NRK: variants seen among roughly 807,000 people sequenced by gnomAD.
NRK encodes the protein Nik related kinase.
NRK carries 67 observed loss-of-function variants against 125.2 expected under a neutral mutation model. The observed-to-expected ratio is 0.54, with a 90% confidence interval of 0.44 to 0.66. The LOEUF is 0.66. Ranked by LOEUF, NRK falls within the 30% of genes least tolerant of loss-of-function variation. The pLI is 0.00. For synonymous variants in NRK, 458 were observed against 429.0 expected (o/e 1.07, Z -0.84); for missense variants, 1,224 against 1,192.9 (o/e 1.03, Z -0.38).
chrX:105,856,005 A>G (rs2039527157), intron 2 of NRK, among the ~76,000 whole-genome samples: 1 of 111,864 alleles, frequency 8.9e-6, no homozygotes, highest in African/African-American at 3.2e-5. Context: ...TATTGCTTCT[A>G]TTGATCAGTT....
chrX:105,890,173 G>A (rs1408585464), intron 5 of NRK, among the ~76,000 whole-genome samples: 3 of 111,471 alleles, frequency 2.7e-5, no homozygotes, highest in African/African-American at 6.5e-5. Context: ...GCAAAATTCC[G>A]CCAGTCTCTT....
At chrX:105,883,620 A>G (rs900582238) in intron 4 of NRK, among the ~76,000 whole-genome samples, 1 of 112,131 alleles carries the variant, frequency 8.9e-6, no homozygotes, top group Non-Finnish European at 1.9e-5. Flanking sequence ...AGCCCAGCGC[A>G]TCTCTTGTTC....
chrX:105,946,531 A>C, intron 26 of NRK, 67 bp downstream of exon 26: 1 of 805,796 alleles, frequency 1.2e-6, no homozygotes, highest in Non-Finnish European at 1.8e-6. Flanking sequence ...CCAACTGTCA[A>C]AACTCTGAAA....
intron 2 of NRK, among the ~76,000 whole-genome samples, chrX:105,837,951 C>A (rs1379542516): frequency 9.0e-6 from 1 of 111,465 alleles, no homozygotes; most frequent in African/African-American, 3.3e-5. Context: ...GAGGTGGCAA[C>A]CTGACTCTCC....
chrX:105,953,075 G>T lies in NRK; in HGVS notation c.4555G>T (p.Ala1519Ser). The T allele has an allele frequency of 8.4e-7, 1 of 1,193,460 alleles. No homozygotes were observed. The highest frequency in any genetic ancestry group is 1.1e-6 in the Non-Finnish European group (1 of 882,831). The change falls in exon 28 of 29, where the codon GCC becomes TCC. Residue 1519 changes from alanine (A) to serine (S), a missense_variant. Ala to Ser is a moderately conservative substitution (Grantham distance 99). Transcript: ENST00000243300. ...GCGAACCACAGGATGGGGCCAAAAG[G>T]CCATTGAAGTGCGCTCTTTGCAATC... is the stretch of plus-strand genomic sequence containing the variant. ...TQRTTGWGQK[A>S]IEVRSLQSRV...
At chrX:105,901,692 G>A (rs2040159381) in intron 9 of NRK, among the ~76,000 whole-genome samples, 2 of 111,373 alleles carry the variant, frequency 1.8e-5, no homozygotes, top group Admixed American at 1.9e-4. Flanking sequence ...ATTAAAGAGG[G>A]GCTGGGATAA....
chrX:105,916,101 TA>T (rs2040362186), intron 15 of NRK, among the ~76,000 whole-genome samples: 1 of 111,181 alleles, frequency 9.0e-6, no homozygotes, highest in Non-Finnish European at 1.9e-5. Flanking sequence ...TAGTCGATGA[TA>T]AAAAGACATG....
At chrX:105,871,939 C>T (rs1602627134) in intron 2 of NRK, among the ~76,000 whole-genome samples, 1 of 111,678 alleles carries the variant, frequency 9.0e-6, no homozygotes, top group African/African-American at 3.3e-5. Flanking sequence ...CCCCCATTAA[C>T]ATGCAATGTT....
chrX:105,846,153 A>T (rs750458378), intron 2 of NRK, among the ~76,000 whole-genome samples: 36 of 111,567 alleles, frequency 3.2e-4, no homozygotes, highest in African/African-American at 1.1e-3. Flanking sequence ...AATGATATTA[A>T]TTTTTTTGGT....
chrX:105,840,348 A>C (rs761060997), intron 2 of NRK, among the ~76,000 whole-genome samples: 3 of 111,848 alleles, frequency 2.7e-5, no homozygotes, highest in Non-Finnish European at 5.7e-5. Context: ...AAGTAATTCA[A>C]ATTATGTATT....
intron 2 of NRK, among the ~76,000 whole-genome samples, chrX:105,839,939 C>G (rs2039309338): frequency 9.0e-6 from 1 of 111,193 alleles, no homozygotes; most frequent in Admixed American, 9.6e-5. Context: ...ACTCCAAGAA[C>G]AAGTTTTTCC....
intron 2 of NRK, among the ~76,000 whole-genome samples, chrX:105,851,112 G>A (rs978857112): frequency 2.7e-5 from 3 of 112,156 alleles, no homozygotes; most frequent in African/African-American, 6.5e-5. Flanking sequence ...TGTGAGCAGA[G>A]GTAGCAGCAG....
chrX:105,909,540 T>G lies in NRK; in HGVS notation c.1899T>G (p.Ile633Met). 1 of 1,208,151 alleles carries G rather than the reference T, an allele frequency of 8.3e-7. No homozygotes were observed. Among genetic ancestry groups the G allele is most frequent in the East Asian group, 3.0e-5 (1 of 33,596 alleles). Residue 633 changes from isoleucine to methionine, a missense_variant, in exon 13 of 29, where the codon ATT becomes ATG. Ile to Met is a conservative substitution (Grantham distance 10). Transcript: ENST00000243300. ...GGACACTAGAACCCCCACAGGCAATTGGCTCAGTTCAAGCACTGATAGAGG... is the reference window on the plus strand; with the variant it reads ...GGACACTAGAACCCCCACAGGCAATGGGCTCAGTTCAAGCACTGATAGAGG... ...QAWTLEPPQA[I>M]GSVQALIEGL...
intron 6 of NRK, among the ~76,000 whole-genome samples, chrX:105,894,970 A>G (rs767254528): frequency 8.9e-6 from 1 of 112,038 alleles, no homozygotes; most frequent in Non-Finnish European, 1.9e-5. Flanking sequence ...CAGATTACAA[A>G]TGCTGTAAAA....
At chrX:105,886,530 GTGTGTA>G (rs2039948302) in intron 4 of NRK, among the ~76,000 whole-genome samples, 2 of 102,647 alleles carry the variant, frequency 1.9e-5, no homozygotes, top group South Asian at 8.6e-4. Flanking sequence ...ATATACGTGT[GTGTGTA>G]TGTGTGTGTG....
intron 19 of NRK, among the ~76,000 whole-genome samples, chrX:105,929,990 T>C (rs2040574700): frequency 8.9e-6 from 1 of 111,862 alleles, no homozygotes; most frequent in Admixed American, 9.5e-5. Context: ...ACTCTCCTTT[T>C]GCTGTTTTTA....
chrX:105,945,984 C>T lies in NRK; in HGVS notation c.4172C>T (p.Pro1391Leu). ...AADPVNRFKR[P>L]DELLHLLKLK... The stretch of plus-strand genomic sequence containing the variant: ...GATCCAGTGAACCGGTTTAAGAGAC[C>T]AGATGAGCTCCTTCATTTGCTGAAG... The change falls in exon 25 of 29, where the codon CCA becomes CTA. Residue 1391 changes from proline (P) to leucine (L), a missense_variant. Physicochemically the swap from Pro to Leu is moderately conservative, Grantham distance 98. Coordinates refer to ENST00000243300, the MANE Select transcript of NRK (RefSeq NM_198465.4). 2 of 1,209,890 alleles carry T rather than the reference C, an allele frequency of 1.7e-6. No individual in the cohort carries two copies. The highest frequency in any genetic ancestry group is 2.2e-6 in the Non-Finnish European group (2 of 894,416).
At chrX:105,900,007 G>A (rs961605771) in intron 8 of NRK, among the ~76,000 whole-genome samples, 6 of 110,466 alleles carry the variant, frequency 5.4e-5, no homozygotes, top group African/African-American at 2.0e-4. Flanking sequence ...ACCTGTTTAG[G>A]AGTCATTTAG....
chrX:105,893,917 C>G lies in NRK; in HGVS notation c.464C>G (p.Ala155Gly). The G allele has an allele frequency of 2.6e-6, 3 of 1,157,460 alleles. No individual in the cohort carries two copies. Among genetic ancestry groups the G allele is most frequent in the Non-Finnish European group, 3.5e-6 (3 of 847,264 alleles). The change falls in exon 6 of 29, where the codon GCT becomes GGT. Residue 155 changes from alanine to glycine, a missense_variant. Ala to Gly is a moderately conservative substitution (Grantham distance 60). Coordinates refer to ENST00000243300, the MANE Select transcript of NRK (RefSeq NM_198465.4). ...CAGAGTTTAAAAGAAGATTGGATTGCTTATATCTGCCGAGAAATCCTTCAG... is the reference window on the plus strand; with the variant it reads ...CAGAGTTTAAAAGAAGATTGGATTGGTTATATCTGCCGAGAAATCCTTCAG... ...SNQSLKEDWI[A>G]YICREILQGL... is the part of the protein sequence containing the mutation.
Sources: gnomAD v4.1 joint callset for allele counts (sites outside exome capture counted in the v4.1 genomes callset) on GRCh38, gnomAD v4.1.1 for gene constraint, MANE v1.5 for transcripts, NCBI Gene and HGNC (gene_info 2026-07-23, HGNC 2026-07-21) for gene names.